Variants in ZMYM1 observed in about 807,000 individuals in gnomAD.
The protein encoded by ZMYM1 is zinc finger MYM-type containing 1.
Under a neutral mutation model 60.0 loss-of-function variants are expected in ZMYM1, and 39 were observed. That is an observed-to-expected ratio of 0.65 (90% CI 0.50 to 0.85). The LOEUF (loss-of-function observed/expected upper bound fraction) is 0.85, where lower values mean the gene tolerates loss of function less well. ZMYM1 is among the 40% of genes least tolerant of loss of function. The pLI, the probability that ZMYM1 is intolerant of heterozygous loss-of-function variation, is 0.00. For missense variants in ZMYM1, 1,171 were observed against 1,309.5 expected (o/e 0.89, Z 1.63); for synonymous variants, 413 against 454.0 (o/e 0.91, Z 1.15).
At chr1:35,061,495 G>C (rs953084710) in intron 1 of ZMYM1, among the ~76,000 whole-genome samples, 3 of 152,058 alleles carry the variant, frequency 2.0e-5, no homozygotes, top group Admixed American at 6.6e-5. Context: ...TAGACATCTT[G>C]GCTGGGTGCG....
At chr1:35,095,667 A>G in intron 2 of ZMYM1, 152 bp from the exon 3 acceptor site, 1 of 522,630 alleles carries the variant, frequency 1.9e-6, no homozygotes, top group South Asian at 2.8e-5. Context: ...GAGCACCAAA[A>G]GGGTAGTGCA....
chr1:35,080,037 G>C (rs1204305932), intron 1 of ZMYM1, among the ~76,000 whole-genome samples: 1 of 151,878 alleles, frequency 6.6e-6, no homozygotes, highest in African/African-American at 2.4e-5. Flanking sequence ...GCTTGAACCG[G>C]GAGGCAGAGG....
chr1:35,108,500 C>T (rs1198878688), intron 6 of ZMYM1, among the ~76,000 whole-genome samples: 1 of 151,874 alleles, frequency 6.6e-6, no homozygotes, highest in Admixed American at 6.6e-5. Context: ...TACTTGGGCG[C>T]ACACCACCAC....
intron 1 of ZMYM1, among the ~76,000 whole-genome samples, 178 bp from the exon 2 acceptor site, chr1:35,093,736 A>G (rs1643156766): frequency 6.6e-6 from 1 of 152,232 alleles, no homozygotes; most frequent in South Asian, 2.1e-4. Context: ...TAGCTACCAG[A>G]GAAGTATAGA....
chr1:35,110,516 AT>A (rs1644052092), intron 7 of ZMYM1, 69 bp downstream of exon 7: 1 of 1,182,078 alleles, frequency 8.5e-7, no homozygotes, highest in Non-Finnish European at 1.1e-6. Context: ...ACTTTAATTT[AT>A]AACCTTGATT....
chr1:35,096,281 C>T (rs964614881), intron 3 of ZMYM1, among the ~76,000 whole-genome samples: 2 of 150,172 alleles, frequency 1.3e-5, no homozygotes, highest in Admixed American at 1.3e-4. Context: ...CACTGCACTC[C>T]AGCCTGGGCA....
chr1:35,071,880 G>C (rs568377891), intron 1 of ZMYM1, among the ~76,000 whole-genome samples: 1 of 152,086 alleles, frequency 6.6e-6, no homozygotes, highest in African/African-American at 2.4e-5. Context: ...GGCTCATGCC[G>C]GTAATCCCAG....
chr1:35,068,431 AAAAG>A (rs1642011915), intron 1 of ZMYM1, among the ~76,000 whole-genome samples: 1 of 150,394 alleles, frequency 6.6e-6, no homozygotes, highest in African/African-American at 2.5e-5. Context: ...AAAAAAAAAA[AAAAG>A]AAAAGAAAAA....
In ZMYM1 at chr1:35,110,342, T is replaced by C. The variant is rs1644045605; in HGVS notation, c.856T>C (p.Ser286Pro). ...ISVPCKPLKP[S>P]DEMIETTSDL... Reference sequence around the variant, plus strand: ...TGTTCCTTGCAAACCATTGAAGCCCTCAGATGAAATGATTGAGACTACGAG... The same window carrying C: ...TGTTCCTTGCAAACCATTGAAGCCCCCAGATGAAATGATTGAGACTACGAG... Residue 286 changes from serine to proline, a missense_variant, in exon 7 of 10, where the codon TCA becomes CCA. Ser to Pro is a moderately conservative substitution (Grantham distance 74). Transcript: ENST00000359858. 1.3e-6 allele frequency: 2 copies of C among 1,588,082 alleles called. No homozygotes were observed. Among genetic ancestry groups the C allele is most frequent in the East Asian group, 4.6e-5 (2 of 43,274 alleles).
chr1:35,080,314 C>CTTTTTTTT (rs35214559), intron 1 of ZMYM1, among the ~76,000 whole-genome samples: 3 of 125,512 alleles, frequency 2.4e-5, no homozygotes, highest in Admixed American at 8.3e-5. Flanking sequence ...ATTTGTGCTT[C>CTTTTTTTT]TTTTTTTTTT....
chr1:35,078,537 ATTTTTTTTTTTTTTT>A (rs751468260), upstream of ZMYM1, among the ~76,000 whole-genome samples: 1 of 82,234 alleles, frequency 1.2e-5, no homozygotes, highest in Non-Finnish European at 2.3e-5. Flanking sequence ...GGTTATTTTA[ATTTTTTTTTTTTTTT>A]TTTTTTTTTT....
intron 1 of ZMYM1, among the ~76,000 whole-genome samples, chr1:35,073,373 G>GGAAGGAAGGAAA (rs1203123644): frequency 1.5e-4 from 22 of 144,770 alleles, no homozygotes; most frequent in African/African-American, 4.4e-4. Context: ...AAGGAAGGAA[G>GGAAGGAAGGAAA]GAAAGAAAGG....
intron 4 of ZMYM1, among the ~76,000 whole-genome samples, chr1:35,099,329 A>G (rs947420202): frequency 2.6e-5 from 4 of 152,056 alleles, no homozygotes; most frequent in Admixed American, 6.6e-5. Flanking sequence ...TACTCTCTTC[A>G]GCCTGCTTTC....
chr1:35,098,330 G>A (rs1036250334), intron 4 of ZMYM1, among the ~76,000 whole-genome samples: 2 of 152,160 alleles, frequency 1.3e-5, no homozygotes, highest in African/African-American at 2.4e-5. Flanking sequence ...ATGTGAGAAT[G>A]TGTGAAGAAT....
intron 1 of ZMYM1, among the ~76,000 whole-genome samples, chr1:35,091,875 G>A (rs1283390843): frequency 1.7e-5 from 2 of 119,078 alleles, no homozygotes; most frequent in African/African-American, 3.2e-5. Flanking sequence ...GTGACAGAGC[G>A]AGATCTTGTC....
intron 1 of ZMYM1, among the ~76,000 whole-genome samples, chr1:35,090,057 C>T (rs1420406443): frequency 6.6e-6 from 1 of 152,014 alleles, no homozygotes; most frequent in Non-Finnish European, 1.5e-5. Flanking sequence ...AGACACCTGC[C>T]ACCACGCCCG....
At chr1:35,110,223 G>GT in intron 6 of ZMYM1, 71 bp from the exon 7 acceptor site, 1 of 1,147,950 alleles carries the variant, frequency 8.7e-7, no homozygotes, top group Non-Finnish European at 1.2e-6. Flanking sequence ...AAAAGCAGTG[G>GT]TAATAGGTTC....
Position 35,097,342 on chromosome 1 carries a change from G to A in ZMYM1, c.195G>A (p.Gln65=). Residue 65 remains glutamine (Q), a synonymous_variant, in exon 4 of 10, where the codon CAG becomes CAA. Transcript: ENST00000359858. ...ESASQLTAGI[Q]LSLASSGVNK... ...CTTCACAGTTGACTGCAGGCATTCAGCTTTCTCTGGCATCATCTGGCGTGA... is the reference window on the plus strand; with the variant it reads ...CTTCACAGTTGACTGCAGGCATTCAACTTTCTCTGGCATCATCTGGCGTGA... 6.2e-7 allele frequency: 1 copy of A among 1,608,972 alleles called. No individual in the cohort carries two copies. Among genetic ancestry groups the A allele is most frequent in the East Asian group, 2.2e-5 (1 of 44,800 alleles).
At chr1:35,088,148 G>A (rs776053586) in intron 1 of ZMYM1, among the ~76,000 whole-genome samples, 2 of 151,280 alleles carry the variant, frequency 1.3e-5, no homozygotes, top group African/African-American at 2.4e-5. Flanking sequence ...GGCTGGGCGC[G>A]GTGGCTCACA....
Sources: allele counts gnomAD v4.1 joint callset (sites outside exome capture counted in the v4.1 genomes callset), GRCh38; gene constraint gnomAD v4.1.1; transcripts MANE v1.5; gene names NCBI Gene and HGNC (gene_info 2026-07-23, HGNC 2026-07-21).